CRB2: variants seen among roughly 807,000 people sequenced by gnomAD.
The protein encoded by CRB2 is protein crumbs homolog 2.
Under a neutral mutation model 110.9 loss-of-function variants are expected in CRB2, and 85 were observed. The observed-to-expected ratio is 0.77, with a 90% CI of 0.64 to 0.92. CRB2 has a LOEUF of 0.92. CRB2 is among the 40% of genes least tolerant of loss of function. The pLI is 0.00. For missense variants in CRB2, 1,843 were observed against 1,851.3 expected, an observed-to-expected ratio of 1.00 and a Z score of 0.08; for synonymous variants, 907 against 831.0, an observed-to-expected ratio of 1.09 and a Z score of -1.57.
chr9:123,360,088 C>T (rs747652228), intron 1 of CRB2, among the ~76,000 whole-genome samples: 2 of 152,162 alleles, frequency 1.3e-5, no homozygotes, highest in African/African-American at 4.8e-5. Flanking sequence ...TCTGATTCTT[C>T]GTCTCAACCT....
At position 123,371,521 on chromosome 9, in the gene CRB2, C is replaced by T. The variant is rs773779903; in HGVS notation, c.2379C>T (p.Leu793=). ...PLDNSSQPSE[L]GGRQSWNLTA... is the part of the protein sequence containing the mutation. Reference sequence around the variant, plus strand: ...ATAACTCAAGCCAGCCCAGCGAGCTCGGCGGCAGGCAGTCCTGGAACCTCA... The same window carrying T: ...ATAACTCAAGCCAGCCCAGCGAGCTTGGCGGCAGGCAGTCCTGGAACCTCA... The change falls in exon 8 of 13, where the codon CTC becomes CTT. Residue 793 remains leucine, a synonymous_variant. Transcript: ENST00000373631. 14 of 1,613,008 alleles carry T rather than the reference C, an allele frequency of 8.7e-6. No individual in the cohort carries two copies. The highest frequency in any genetic ancestry group is 5.0e-5 in the Admixed American group (3 of 59,982).
chr9:123,361,591 C>T (rs529805791), intron 1 of CRB2, among the ~76,000 whole-genome samples: 1 of 145,744 alleles, frequency 6.9e-6, no homozygotes, highest in Non-Finnish European at 1.5e-5. Context: ...GGGAGGGGCA[C>T]CTTTGGGAGC....
At chr9:123,366,594 C>A (rs997078946) in intron 4 of CRB2, among the ~76,000 whole-genome samples, 1 of 152,184 alleles carries the variant, frequency 6.6e-6, no homozygotes, top group Non-Finnish European at 1.5e-5. Context: ...GAAGGTGCGA[C>A]GCCTGGGAAG....
chr9:123,365,648 G>C (rs2041920019), intron 2 of CRB2, among the ~76,000 whole-genome samples: 1 of 152,160 alleles, frequency 6.6e-6, no homozygotes, highest in Non-Finnish European at 1.5e-5. Flanking sequence ...ACATCACCTA[G>C]CTCATTTAGG....
chr9:123,375,242 G>A lies in CRB2; in HGVS notation c.3532G>A (p.Glu1178Lys), dbSNP rs1355367519. Reference protein sequence around the residue: ...QRCQVPTLPCEANPCLNGGTC... With the variant: ...QRCQVPTLPCKANPCLNGGTC... ...GTGTCAGGTCCCCACTCTCCCCTGT[G>A]AAGCCAACCCCTGCTTGAATGGGGG... The change falls in exon 12 of 13, where the codon GAA (glutamate) becomes AAA (lysine). Residue 1178 changes from glutamate to lysine, a missense_variant. By Grantham distance (56) the Glu-to-Lys change is moderately conservative. Transcript: ENST00000373631. 1 of 1,612,542 alleles carries A rather than the reference G, an allele frequency of 6.2e-7. No homozygotes were observed. Among genetic ancestry groups the A allele is most frequent in the Non-Finnish European group, 8.5e-7 (1 of 1,179,454 alleles).
Position 123,363,016 on chromosome 9 carries a change from T to C in CRB2, c.246T>C (p.Cys82=), listed in dbSNP as rs1330474647. 1.2e-6 allele frequency: 2 copies of C among 1,612,612 alleles called. No homozygotes were observed. The highest frequency in any genetic ancestry group is 2.2e-5 in the East Asian group (1 of 44,874). ...AGCCATGCCACCACGGCGCTCTGTGTGTGCCCCAGGGTCCAGATCCCACCG... is the reference window on the plus strand; with the variant it reads ...AGCCATGCCACCACGGCGCTCTGTGCGTGCCCCAGGGTCCAGATCCCACCG... The part of the protein sequence containing the change: ...ATQPCHHGAL[C]VPQGPDPTGF... The change falls in exon 2 of 13, where the codon TGT becomes TGC. Residue 82 remains cysteine (C), a synonymous_variant. Coordinates refer to ENST00000373631, the MANE Select transcript of CRB2 (RefSeq NM_173689.7).
rs1367940758 is a variant in CRB2, at chr9:123,373,861, G to A, written c.3330G>A (p.Thr1110=). 7 of 1,553,952 alleles carry A rather than the reference G, an allele frequency of 4.5e-6. No individual in the cohort carries two copies. Among genetic ancestry groups the A allele is most frequent in the Non-Finnish European group, 6.1e-6 (7 of 1,154,584 alleles). The change falls in exon 10 of 13, where the codon ACG becomes ACA. Residue 1110 remains threonine (T), a synonymous_variant. Coordinates refer to ENST00000373631, the MANE Select transcript of CRB2 (RefSeq NM_173689.7). ...CCTGCGCCCGTGGCCGCTGTCACACGCACCCCGACGGCCGCTTCGAGTGCC... is the reference window on the plus strand; with the variant it reads ...CCTGCGCCCGTGGCCGCTGTCACACACACCCCGACGGCCGCTTCGAGTGCC... The part of the protein sequence containing the change: ...SAPCARGRCH[T]HPDGRFECRC...
At chr9:123,367,458 A>G in intron 5 of CRB2, 101 bp downstream of exon 5, 2 of 609,210 alleles carry the variant, frequency 3.3e-6, no homozygotes. Flanking sequence ...CCCACACCCC[A>G]CACCCGAGTC....
chr9:123,369,560 A>G (rs2132769519), intron 6 of CRB2, among the ~76,000 whole-genome samples: 1 of 152,218 alleles, frequency 6.6e-6, no homozygotes, highest in South Asian at 2.1e-4. Context: ...GAACAGTATG[A>G]GCAAAGCCCC....
intron 2 of CRB2, among the ~76,000 whole-genome samples, chr9:123,364,588 G>A (rs1445544782): frequency 6.6e-6 from 1 of 152,178 alleles, no homozygotes; most frequent in Admixed American, 6.5e-5. Flanking sequence ...GAAGGGTCAT[G>A]GGAAGGTGGG....
intron 8 of CRB2, 129 bp downstream of exon 8, chr9:123,371,707 G>T: frequency 7.8e-7 from 1 of 1,281,458 alleles, no homozygotes; most frequent in Non-Finnish European, 1.1e-6. Flanking sequence ...GAAGTGACCT[G>T]CCCAGGGTCC....
At position 123,370,458 on chromosome 9, in the gene CRB2, C is replaced by T. The variant is rs1475912893; in HGVS notation, c.1405C>T (p.Leu469=). The change falls in exon 7 of 13, where the codon CTG becomes TTG. Residue 469 remains leucine, a synonymous_variant. Transcript: ENST00000373631. ...LGLALRFRTT[L]PAGTLATRND... ...TCTGGCACTGAGGTTTCGCACCACA[C>T]TGCCCGCTGGGACCTTGGCCACTCG... is the stretch of plus-strand genomic sequence containing the variant. 1.9e-6 allele frequency: 3 copies of T among 1,613,418 alleles called. No homozygotes were observed. The highest frequency in any genetic ancestry group is 2.2e-5 in the East Asian group (1 of 44,906).
rs1290465288 is a variant in CRB2, at chr9:123,373,365, C to T, written c.2834C>T (p.Pro945Leu). The change falls in exon 10 of 13, where the codon CCC (proline) becomes CTC (leucine). Residue 945 changes from proline to leucine, a missense_variant. Physicochemically the swap from Pro to Leu is moderately conservative, Grantham distance 98. Coordinates refer to ENST00000373631, the MANE Select transcript of CRB2 (RefSeq NM_173689.7). ...GGHGLPGAVL[P>L]IPGPRVADGA... ...CATGGCCTGCCCGGCGCTGTGCTGCCCATACCGGGGCCGCGCGTGGCCGAT... is the reference window on the plus strand; with the variant it reads ...CATGGCCTGCCCGGCGCTGTGCTGCTCATACCGGGGCCGCGCGTGGCCGAT... 1.4e-6 allele frequency: 2 copies of T among 1,435,304 alleles called. No individual in the cohort carries two copies. Among genetic ancestry groups the T allele is most frequent in the Admixed American group, 5.7e-5 (2 of 35,268 alleles). 88.9% of individuals were successfully genotyped at this position (1,435,304 alleles called of 1,614,324 possible). A position where few individuals can be genotyped will look rare whatever the true frequency, so the allele number is the denominator to read the frequency against.
At chr9:123,360,419 G>T (rs904523141) in intron 1 of CRB2, among the ~76,000 whole-genome samples, 3 of 152,168 alleles carry the variant, frequency 2.0e-5, no homozygotes, top group Non-Finnish European at 4.4e-5. Context: ...GCCCGGGAAG[G>T]GGGGACAGCC....
chr9:123,372,438 G>A (rs1194896547), intron 9 of CRB2, 96 bp downstream of exon 9: 1 of 1,452,908 alleles, frequency 6.9e-7, no homozygotes, highest in Non-Finnish European at 9.2e-7. Context: ...GATACTGGTG[G>A]ACCAGGCATG....
rs1317055348 is a variant in CRB2 at position 123,371,050 on chromosome 9, G to A, written c.1928-20G>A. ...CCCTCAGCCTGCAGGCCTCACACCTGGCACCTTCTCTCCCTGCAGAGATTC... is the reference window on the plus strand; with the variant it reads ...CCCTCAGCCTGCAGGCCTCACACCTAGCACCTTCTCTCCCTGCAGAGATTC... On this transcript the variant is annotated intron_variant, in intron 7 of 12. Coordinates refer to ENST00000373631, the MANE Select transcript of CRB2 (RefSeq NM_173689.7). 1.2e-6 allele frequency: 2 copies of A among 1,605,588 alleles called. No homozygotes were observed. Among genetic ancestry groups the A allele is most frequent in the Non-Finnish European group, 1.7e-6 (2 of 1,175,522 alleles).
chr9:123,371,590 G>A lies in CRB2; in HGVS notation c.2436+12G>A, dbSNP rs1411047026. ...AGGACATGTGCAGTGTAAGTGTCTG[G>A]TGGCGGTGGTGGTGGTGGGGTGGGG... On this transcript the variant is annotated intron_variant, in intron 8 of 12. Transcript: ENST00000373631. 1 of 1,611,296 alleles carries A rather than the reference G, an allele frequency of 6.2e-7. No homozygotes were observed. Among genetic ancestry groups the A allele is most frequent in the Non-Finnish European group, 8.5e-7 (1 of 1,179,954 alleles).
At chr9:123,374,718 T>C in intron 11 of CRB2, 23 bp downstream of exon 11, 1 of 1,543,854 alleles carries the variant, frequency 6.5e-7, no homozygotes, top group Non-Finnish European at 8.9e-7. Context: ...GCCTGGGAAC[T>C]GTGAGGAGGT....
rs1351289819 is a variant in CRB2, at chr9:123,378,633, G to A, written c.*1571G>A. The A allele has an allele frequency of 6.6e-6, 1 of 152,146 alleles. No individual in the cohort carries two copies. Among genetic ancestry groups the A allele is most frequent in the African/African-American group, 2.4e-5 (1 of 41,382 alleles). The allele number at this position is 152,146 out of a possible 1,614,324, so 9.4% of individuals were successfully genotyped here. A position where few individuals can be genotyped will look rare whatever the true frequency, so the allele number is the denominator to read the frequency against. ...CCTGAACTTTCTCTACAACCCTTGG[G>A]AGCGTGGGGAGGAGGCGGCTGGTTC... On this transcript the variant is annotated 3_prime_UTR_variant, in exon 13 of 13. Transcript: ENST00000373631.
Sources: gnomAD v4.1 joint callset for allele counts (sites outside exome capture counted in the v4.1 genomes callset) on GRCh38, gnomAD v4.1.1 for gene constraint, MANE v1.5 for transcripts, NCBI Gene and HGNC (gene_info 2026-07-23, HGNC 2026-07-21) for gene names.